ERBB4: variants seen among roughly 807,000 people sequenced by gnomAD.
ERBB4 encodes the protein erb-b2 receptor tyrosine kinase 4.
Under a neutral mutation model 158.0 loss-of-function variants are expected in ERBB4, and 42 were observed. That is an observed-to-expected ratio of 0.27 (90% confidence interval 0.21 to 0.34). The LOEUF (loss-of-function observed/expected upper bound fraction) is 0.34. Ranked by LOEUF, ERBB4 falls within the 10% of genes least tolerant of loss-of-function variation. ERBB4 has a pLI of 1.00. For missense variants in ERBB4, 1,333 were observed against 1,624.1 expected (o/e 0.82, Z 3.08); for synonymous variants, 583 against 558.7 (o/e 1.04, Z -0.61).
At chr2:212,114,667 T>C (rs1464662411) in intron 2 of ERBB4, among the ~76,000 whole-genome samples, 1 of 152,210 alleles carries the variant, frequency 6.6e-6, no homozygotes, top group African/African-American at 2.4e-5. Flanking sequence ...ATACTTCTCA[T>C]TGCTTCTGCG....
At chr2:211,753,971 C>T (rs1236657903) in intron 4 of ERBB4, among the ~76,000 whole-genome samples, 2 of 150,792 alleles carry the variant, frequency 1.3e-5, no homozygotes, top group Non-Finnish European at 2.9e-5. Flanking sequence ...CATTCTCCTG[C>T]CTCAGCCTCC....
rs538717542 is a variant in ERBB4 at position 212,185,099 on chromosome 2, C to A, written c.83-60196G>T. 6.0e-5 allele frequency among the ~76,000 whole-genome samples: 9 copies of A among 150,798 alleles called. No individual in the cohort carries two copies. In the South Asian group the frequency reaches 1.7e-3, roughly 28 times the overall value. On this transcript the variant is annotated intron_variant, in intron 1 of 27. Coordinates refer to ENST00000342788, the MANE Select transcript of ERBB4 (RefSeq NM_005235.3). ...GTAGTGGCACAATCTTGGCTCACTG[C>A]AACCTACGCTTCCCTGGTTAAAGTG...
chr2:211,928,411 C>T (rs1397931583), intron 3 of ERBB4, among the ~76,000 whole-genome samples: 1 of 152,176 alleles, frequency 6.6e-6, no homozygotes, highest in East Asian at 1.9e-4. Flanking sequence ...CACCAGAGGA[C>T]TGCACCTGTT....
chr2:211,828,758 A>G (rs1005665631), intron 3 of ERBB4, among the ~76,000 whole-genome samples: 1 of 152,066 alleles, frequency 6.6e-6, no homozygotes, highest in Non-Finnish European at 1.5e-5. Context: ...CACGGTCTAC[A>G]TCTAGAGTCT....
intron 1 of ERBB4, among the ~76,000 whole-genome samples, chr2:212,260,705 C>T (rs867678577): frequency 6.6e-6 from 1 of 151,820 alleles, no homozygotes; most frequent in African/African-American, 2.4e-5. Context: ...CCAAGCTACT[C>T]GGGAGGCTAA....
chr2:212,349,980 A>G (rs745619494), intron 1 of ERBB4, among the ~76,000 whole-genome samples: 2 of 152,168 alleles, frequency 1.3e-5, no homozygotes, highest in Non-Finnish European at 2.9e-5. Flanking sequence ...TGATGAAAAA[A>G]TGAACAAAGG....
At chr2:211,691,093 T>C (rs530187461) in intron 12 of ERBB4, among the ~76,000 whole-genome samples, 16 of 152,156 alleles carry the variant, frequency 1.1e-4, no homozygotes, top group Non-Finnish European at 2.1e-4. Context: ...TCAAAAATAT[T>C]GAAATGTATT....
intron 1 of ERBB4, among the ~76,000 whole-genome samples, chr2:212,234,074 C>T (rs913332378): frequency 1.3e-5 from 2 of 151,796 alleles, no homozygotes; most frequent in Non-Finnish European, 2.9e-5. Context: ...CCATGGTTTG[C>T]TGCACTCATC....
At chr2:212,515,675 A>T (rs1691784222) in intron 1 of ERBB4, among the ~76,000 whole-genome samples, 1 of 152,008 alleles carries the variant, frequency 6.6e-6, no homozygotes, top group Non-Finnish European at 1.5e-5. Flanking sequence ...TGATATTTGT[A>T]TTCACCTAAG....
chr2:211,754,903 G>A (rs950672270), intron 4 of ERBB4, among the ~76,000 whole-genome samples: 1 of 149,514 alleles, frequency 6.7e-6, no homozygotes, highest in Non-Finnish European at 1.5e-5. Context: ...GTTTCACCCT[G>A]TTGGCCAGGC....
At chr2:211,815,511 G>T (rs976133475) in intron 3 of ERBB4, among the ~76,000 whole-genome samples, 36 of 152,224 alleles carry the variant, frequency 2.4e-4, no homozygotes, top group African/African-American at 7.7e-4. Flanking sequence ...AAATAAAAAG[G>T]AGATTTTTTT....
intron 1 of ERBB4, among the ~76,000 whole-genome samples, chr2:212,413,536 A>G (rs1257416582): frequency 6.6e-6 from 1 of 152,158 alleles, no homozygotes; most frequent in Non-Finnish European, 1.5e-5. Flanking sequence ...TTGGAAGAAT[A>G]CAACTGTAAA....
chr2:212,083,906 C>T (rs754616019), intron 2 of ERBB4, among the ~76,000 whole-genome samples: 1 of 126,562 alleles, frequency 7.9e-6, no homozygotes, highest in Non-Finnish European at 1.7e-5. Flanking sequence ...CTATTTTCTC[C>T]ATATGGATTG....
intron 20 of ERBB4, among the ~76,000 whole-genome samples, chr2:211,559,651 T>C (rs893349454): frequency 1.3e-5 from 2 of 152,212 alleles, no homozygotes; most frequent in African/African-American, 4.8e-5. Context: ...TGGCTTTCTT[T>C]AAAATCTGAA....
At chr2:212,376,167 C>A (rs997391648) in intron 1 of ERBB4, among the ~76,000 whole-genome samples, 1 of 152,024 alleles carries the variant, frequency 6.6e-6, no homozygotes, top group African/African-American at 2.4e-5. Context: ...GTGCCAAAAC[C>A]ATTGTGCCCA....
chr2:211,975,649 T>C (rs2081585488), intron 2 of ERBB4, among the ~76,000 whole-genome samples: 1 of 152,190 alleles, frequency 6.6e-6, no homozygotes, highest in Admixed American at 6.5e-5. Context: ...AGGATATTCT[T>C]TGGCAATTTA....
At position 211,529,926 on chromosome 2, in the gene ERBB4, A is replaced by G. The variant is rs950549228; in HGVS notation, c.2487+31977T>C. On this transcript the variant is annotated intron_variant, in intron 20 of 27. Coordinates refer to ENST00000342788, the MANE Select transcript of ERBB4 (RefSeq NM_005235.3). ...AAAACTGAAAGCCTTTTTCTCTAAG[A>G]TTTGAAACGTGACAAAGATGCCCAC... Among the ~76,000 whole-genome samples, 15 of 152,242 alleles carry G rather than the reference A, an allele frequency of 9.9e-5. 1 individual carries two copies. The South Asian group carries it at 1.9e-3, about 19-fold the overall frequency.
intron 1 of ERBB4, among the ~76,000 whole-genome samples, chr2:212,460,173 A>G (rs1419329617): frequency 1.3e-5 from 2 of 152,212 alleles, no homozygotes; most frequent in Non-Finnish European, 2.9e-5. Context: ...CTCCCCCAGC[A>G]TGTGGAACTG....
intron 3 of ERBB4, among the ~76,000 whole-genome samples, chr2:211,918,543 C>T (rs1249448056): frequency 6.6e-6 from 1 of 152,140 alleles, no homozygotes. Context: ...TCGAGAGATA[C>T]GTTTTAATAT....
Sources: allele counts gnomAD v4.1 joint callset (sites outside exome capture counted in the v4.1 genomes callset), GRCh38; gene constraint gnomAD v4.1.1; transcripts MANE v1.5; gene names NCBI Gene and HGNC (gene_info 2026-07-23, HGNC 2026-07-21).